The following AGPAT5 variants were observed in gnomAD, a reference collection of about 807,000 sequenced individuals.
AGPAT5 encodes 1-acyl-sn-glycerol-3-phosphate acyltransferase epsilon.
A neutral mutation model predicts 45.6 loss-of-function variants in AGPAT5; 46 were observed. The observed-to-expected ratio is 1.01, with a 90% CI of 0.80 to 1.29. The LOEUF is 1.29. Among genes scored for constraint, AGPAT5 ranks in the 50% most tolerant of loss-of-function variants. The pLI is 0.00. For synonymous variants in AGPAT5, 272 were observed against 167.0 expected (o/e 1.63, Z -4.85); for missense variants, 673 against 450.7 (o/e 1.49, Z -4.47).
intron 4 of AGPAT5, among the ~76,000 whole-genome samples, chr8:6,735,113 T>A (rs1175980814): frequency 6.6e-6 from 1 of 152,206 alleles, no homozygotes; most frequent in Admixed American, 6.5e-5. Context: ...TGCTTCTGGC[T>A]GTAAGTCTGT....
intron 4 of AGPAT5, among the ~76,000 whole-genome samples, chr8:6,735,121 T>A (rs1801004023): frequency 6.6e-6 from 1 of 152,212 alleles, no homozygotes; most frequent in South Asian, 2.1e-4. Flanking sequence ...GCTGTAAGTC[T>A]GTGCCCAGTA....
chr8:6,757,143 T>G lies in AGPAT5; in HGVS notation c.870-20T>G. 6.3e-7 allele frequency: 1 copy of G among 1,586,548 alleles called. No individual in the cohort carries two copies. Among genetic ancestry groups the G allele is most frequent in the Non-Finnish European group, 8.6e-7 (1 of 1,160,460 alleles). On this transcript the variant is annotated intron_variant, in intron 7 of 7. Coordinates refer to ENST00000285518, the MANE Select transcript of AGPAT5 (RefSeq NM_018361.5). ...ATACTGAAGTGACTAAAATCTAAAC[T>G]TTTTCCATTCTGGCCATAGGATGCT... is the stretch of plus-strand genomic sequence containing the variant.
At chr8:6,750,148 T>A (rs1801612456) in intron 6 of AGPAT5, among the ~76,000 whole-genome samples, 1 of 152,244 alleles carries the variant, frequency 6.6e-6, no homozygotes, top group African/African-American at 2.4e-5. Flanking sequence ...CATAGCACTG[T>A]GCCTTCTCCT....
At chr8:6,736,877 C>G (rs1238102169) in intron 4 of AGPAT5, among the ~76,000 whole-genome samples, 6 of 152,194 alleles carry the variant, frequency 3.9e-5, no homozygotes, top group African/African-American at 1.4e-4. Context: ...TTAGAAGGTC[C>G]ATGGGTTTTG....
intron 1 of AGPAT5, among the ~76,000 whole-genome samples, chr8:6,720,874 T>C (rs888714122): frequency 6.6e-5 from 10 of 152,220 alleles, no homozygotes; most frequent in African/African-American, 2.4e-4. Flanking sequence ...TCTCATTGAA[T>C]GCAGTCAGCC....
intron 1 of AGPAT5, among the ~76,000 whole-genome samples, chr8:6,715,569 G>C (rs1587001684): frequency 6.6e-6 from 1 of 152,306 alleles, no homozygotes; most frequent in Non-Finnish European, 1.5e-5. Flanking sequence ...ACAAGGAAAA[G>C]GGAACACCCA....
At chr8:6,746,233 G>C (rs1034918409) in intron 5 of AGPAT5, 2 of 152,286 alleles carry the variant, frequency 1.3e-5, no homozygotes, top group African/African-American at 4.8e-5. Flanking sequence ...ACTTATCTTT[G>C]CATGGCAGGT....
rs746670742 is a variant in AGPAT5, at chr8:6,732,648, C to G, written c.493C>G (p.Pro165Ala). The change falls in exon 4 of 8, where the codon CCA becomes GCA. Residue 165 changes from proline to alanine, a missense_variant and splice_region_variant. Transcript: ENST00000285518. ...KLQSYVDAGTPMYLVIFPEGT... is the reference protein window; with the variant it reads ...KLQSYVDAGTAMYLVIFPEGT... ...GCAGAGCTACGTGGACGCAGGAACT[C>G]CAGTAAGAGCCTACCCGTTTTTATT... 1.9e-6 allele frequency: 3 copies of G among 1,595,090 alleles called. No individual in the cohort carries two copies. Among genetic ancestry groups the G allele is most frequent in the Non-Finnish European group, 2.6e-6 (3 of 1,174,718 alleles).
At position 6,730,764 on chromosome 8, in the gene AGPAT5, G is replaced by A; in HGVS notation, c.343G>A (p.Val115Met). 1 of 1,613,640 alleles carries A rather than the reference G, an allele frequency of 6.2e-7. No homozygotes were observed. Among genetic ancestry groups the A allele is most frequent in the Non-Finnish European group, 8.5e-7 (1 of 1,179,676 alleles). Residue 115 changes from valine to methionine, a missense_variant, in exon 3 of 8, where the codon GTG (valine) becomes ATG (methionine). Transcript: ENST00000285518. The part of the protein sequence containing the change: ...LAIRQNALGH[V>M]RYVLKEGLKW... ...CATCAGGCAGAATGCGCTAGGACAT[G>A]TGCGCTACGTGCTGAAAGAAGGGTT...
chr8:6,728,808 G>T (rs1800772897), intron 2 of AGPAT5, among the ~76,000 whole-genome samples: 1 of 152,168 alleles, frequency 6.6e-6, no homozygotes, highest in African/African-American at 2.4e-5. Context: ...CGATTATATG[G>T]TTTCTAAGAC....
At chr8:6,708,914 C>G in intron 1 of AGPAT5, 27 bp downstream of exon 1, 4 of 1,584,286 alleles carry the variant, frequency 2.5e-6, no homozygotes, top group Non-Finnish European at 3.4e-6. Flanking sequence ...TCCCGGGTCT[C>G]GGCGTCCACC....
chr8:6,733,341 T>C (rs1800935688), intron 4 of AGPAT5, among the ~76,000 whole-genome samples: 1 of 152,128 alleles, frequency 6.6e-6, no homozygotes, highest in Non-Finnish European at 1.5e-5. Context: ...CTGTCTTCCC[T>C]CCTCTCCTCC....
chr8:6,712,187 T>G lies in AGPAT5; in HGVS notation c.219+3300T>G, dbSNP rs572047685. Among the ~76,000 whole-genome samples, 5 of 152,346 alleles carry G rather than the reference T, an allele frequency of 3.3e-5. No individual in the cohort carries two copies. The South Asian group carries it at 6.2e-4, about 19-fold the overall frequency. On this transcript the variant is annotated intron_variant, in intron 1 of 7. Coordinates refer to ENST00000285518, the MANE Select transcript of AGPAT5 (RefSeq NM_018361.5). ...AGAGAACCTGGTTTTCTGTAATAAG[T>G]TTACTTACTTTCCCATAATCTTTTA...
At chr8:6,745,958 CTTCT>C (rs962188887) in intron 5 of AGPAT5, 2 of 151,958 alleles carry the variant, frequency 1.3e-5, no homozygotes, top group African/African-American at 4.8e-5. Flanking sequence ...TTCTTTCTTC[CTTCT>C]TTCTTTCGCT....
At chr8:6,747,865 G>T (rs549753490) in intron 6 of AGPAT5, 37 bp downstream of exon 6, 1 of 1,597,690 alleles carries the variant, frequency 6.3e-7, no homozygotes, top group South Asian at 1.1e-5. Context: ...CCTGTACACG[G>T]TATATACAGT....
At chr8:6,708,950 C>G in intron 1 of AGPAT5, 63 bp downstream of exon 1, 1 of 1,489,760 alleles carries the variant, frequency 6.7e-7, no homozygotes, top group African/African-American at 1.4e-5. Flanking sequence ...GCGGACCTCT[C>G]CGCTCCCCCA....
chr8:6,743,626 T>G (rs1410975900), intron 5 of AGPAT5, among the ~76,000 whole-genome samples: 2 of 152,234 alleles, frequency 1.3e-5, no homozygotes, highest in African/African-American at 4.8e-5. Flanking sequence ...ATATTTAAAC[T>G]TTTCTCAGCT....
intron 6 of AGPAT5, among the ~76,000 whole-genome samples, chr8:6,750,394 A>G (rs1025898147): frequency 2.0e-5 from 3 of 152,226 alleles, no homozygotes; most frequent in African/African-American, 4.8e-5. Flanking sequence ...ATTCATTACA[A>G]ATTGTCTCCT....
rs1195058438 is a variant in AGPAT5 at position 6,755,111 on chromosome 8, A to T, written c.806A>T (p.Asp269Val). 6.2e-7 allele frequency: 1 copy of T among 1,608,488 alleles called. No homozygotes were observed. Among genetic ancestry groups the T allele is most frequent in the Non-Finnish European group, 8.5e-7 (1 of 1,178,820 alleles). The change falls in exon 7 of 8, where the codon GAT becomes GTT. Residue 269 changes from aspartate (D) to valine (V), a missense_variant. Transcript: ENST00000285518. ...CACATTGATCGTATCGACAAAAAAG[A>T]TGTCCCAGAAGAACAAGAACATATG... Reference protein sequence around the residue: ...HIHIDRIDKKDVPEEQEHMRR... With the variant: ...HIHIDRIDKKVVPEEQEHMRR...
Sources: allele counts gnomAD v4.1 joint callset (sites outside exome capture counted in the v4.1 genomes callset), GRCh38; gene constraint gnomAD v4.1.1; transcripts MANE v1.5; gene names NCBI Gene and HGNC (gene_info 2026-07-23, HGNC 2026-07-21).